Variants in GRIA4 observed in about 807,000 individuals in gnomAD.
GRIA4 encodes the protein glutamate ionotropic receptor AMPA type subunit 4.
Under a neutral mutation model 104.0 loss-of-function variants are expected in GRIA4, and 34 were observed. The observed-to-expected ratio is 0.33, with a 90% CI of 0.25 to 0.44. GRIA4 has a LOEUF of 0.44. Among genes scored for constraint, GRIA4 ranks in the 20% least tolerant of loss-of-function variants. The probability of loss-of-function intolerance (pLI) is 1.00; values close to 1 mark genes in which losing one functional copy is unlikely to be tolerated. For synonymous variants in GRIA4, 386 were observed against 381.9 expected (o/e 1.01, Z -0.13); for missense variants, 750 against 1,096.5 (o/e 0.68, Z 4.46).
intron 4 of GRIA4, among the ~76,000 whole-genome samples, chr11:105,860,458 GGAA>G (rs1188915569): frequency 1.3e-5 from 2 of 152,062 alleles, no homozygotes; most frequent in African/African-American, 4.8e-5. Context: ...CAGTATCACA[GGAA>G]GAAGAAACTA....
chr11:105,623,945 T>C (rs568286569), intron 3 of GRIA4, among the ~76,000 whole-genome samples: 5 of 152,210 alleles, frequency 3.3e-5, no homozygotes, highest in South Asian at 2.1e-4. Flanking sequence ...CTTGAATAAA[T>C]GAATGAGAAA....
chr11:105,673,803 T>C (rs552806944), intron 3 of GRIA4, among the ~76,000 whole-genome samples: 2 of 152,068 alleles, frequency 1.3e-5, no homozygotes, highest in African/African-American at 4.8e-5. Flanking sequence ...TAAATAAATA[T>C]TTAAAACACA....
chr11:105,738,358 C>A (rs1162830501), intron 3 of GRIA4, among the ~76,000 whole-genome samples: 2 of 151,708 alleles, frequency 1.3e-5, no homozygotes, highest in Admixed American at 6.6e-5. Flanking sequence ...TATTGCCCAC[C>A]AACTATGTGC....
intron 5 of GRIA4, among the ~76,000 whole-genome samples, chr11:105,873,813 T>C (rs1945713295): frequency 6.6e-6 from 1 of 152,222 alleles, no homozygotes; most frequent in Non-Finnish European, 1.5e-5. Flanking sequence ...ATTCTGGATA[T>C]TAGCCCTTTG....
chr11:105,683,010 T>C (rs1952759989), intron 3 of GRIA4, among the ~76,000 whole-genome samples: 1 of 152,158 alleles, frequency 6.6e-6, no homozygotes, highest in Non-Finnish European at 1.5e-5. Context: ...ATATTAATAG[T>C]ACCTCTAAAA....
intron 13 of GRIA4, 73 bp from the exon 14 acceptor site, chr11:105,933,649 T>G: frequency 1.7e-6 from 2 of 1,148,182 alleles, no homozygotes; most frequent in South Asian, 3.2e-5. Context: ...GCTTTATTCT[T>G]ATCTTGGTTC....
chr11:105,728,853 GT>G (rs1938396399), intron 3 of GRIA4, among the ~76,000 whole-genome samples: 1 of 152,194 alleles, frequency 6.6e-6, no homozygotes, highest in South Asian at 2.1e-4. Context: ...AGCTAAAGCA[GT>G]GTTTAGAGGA....
At chr11:105,667,156 G>C (rs568012918) in intron 3 of GRIA4, among the ~76,000 whole-genome samples, 1 of 151,990 alleles carries the variant, frequency 6.6e-6, no homozygotes, top group East Asian at 1.9e-4. Context: ...AAACAATTAT[G>C]TACCCTGTGT....
intron 3 of GRIA4, among the ~76,000 whole-genome samples, chr11:105,680,629 G>C (rs1177698414): frequency 6.6e-6 from 1 of 152,056 alleles, no homozygotes; most frequent in African/African-American, 2.4e-5. Context: ...TCTGTAATGG[G>C]GTCCTGGAAC....
intron 4 of GRIA4, among the ~76,000 whole-genome samples, chr11:105,780,616 GA>G (rs1234741798): frequency 6.6e-6 from 1 of 151,920 alleles, no homozygotes; most frequent in Non-Finnish European, 1.5e-5. Flanking sequence ...TAGATATAAA[GA>G]AAAAAATTAT....
intron 5 of GRIA4, among the ~76,000 whole-genome samples, chr11:105,882,917 G>A (rs1033054750): frequency 2.6e-5 from 4 of 152,160 alleles, no homozygotes; most frequent in Non-Finnish European, 5.9e-5. Flanking sequence ...CATTCTTGAA[G>A]ATTGGTTATG....
chr11:105,781,552 T>C (rs1366456803), intron 4 of GRIA4, among the ~76,000 whole-genome samples: 1 of 152,164 alleles, frequency 6.6e-6, no homozygotes, highest in Non-Finnish European at 1.5e-5. Context: ...TTATTTTATA[T>C]TTTGATAATT....
At chr11:105,927,013 C>A in intron 13 of GRIA4, 74 bp downstream of exon 13, 1 of 927,300 alleles carries the variant, frequency 1.1e-6, no homozygotes, top group Non-Finnish European at 1.7e-6. Flanking sequence ...ACAATTATAC[C>A]ATGGGCTTTA....
intron 5 of GRIA4, among the ~76,000 whole-genome samples, chr11:105,885,412 C>G (rs1231221018): frequency 6.6e-6 from 1 of 152,192 alleles, no homozygotes; most frequent in Non-Finnish European, 1.5e-5. Flanking sequence ...CTAGATAAAT[C>G]TGGCAATATA....
chr11:105,689,627 A>G (rs569065952), intron 3 of GRIA4, among the ~76,000 whole-genome samples: 1 of 152,366 alleles, frequency 6.6e-6, no homozygotes, highest in Non-Finnish European at 1.5e-5. Flanking sequence ...AGAGAATTAA[A>G]TGATGATAGA....
chr11:105,926,635 T>C, intron 12 of GRIA4, 106 bp from the exon 13 acceptor site: 1 of 724,486 alleles, frequency 1.4e-6, no homozygotes, highest in Non-Finnish European at 2.5e-6. Flanking sequence ...AAAACAATAC[T>C]TGGCAATTGT....
chr11:105,645,115 T>C (rs1174194185), intron 3 of GRIA4, among the ~76,000 whole-genome samples: 1 of 152,054 alleles, frequency 6.6e-6, no homozygotes, highest in African/African-American at 2.4e-5. Context: ...AGCTTCATAA[T>C]CAGGAAGGGT....
At chr11:105,666,362 T>C (rs1246595600) in intron 3 of GRIA4, among the ~76,000 whole-genome samples, 1 of 151,974 alleles carries the variant, frequency 6.6e-6, no homozygotes, top group Admixed American at 6.6e-5. Context: ...TTTAAACTAT[T>C]CCATGGAGAG....
intron 5 of GRIA4, among the ~76,000 whole-genome samples, chr11:105,866,547 GTGTGTATATATA>G (rs1214964457): frequency 7.0e-5 from 3 of 42,668 alleles, no homozygotes; most frequent in South Asian, 5.3e-4. Context: ...GTGTGTGTGT[GTGTGTATATATA>G]TATATATATA....
Sources: gnomAD v4.1 joint callset for allele counts (sites outside exome capture counted in the v4.1 genomes callset) on GRCh38, gnomAD v4.1.1 for gene constraint, MANE v1.5 for transcripts, NCBI Gene and HGNC (gene_info 2026-07-23, HGNC 2026-07-21) for gene names.